The following STPG2 variants were observed in gnomAD, a reference collection of about 807,000 sequenced individuals.
STPG2 encodes the protein sperm-tail PG-rich repeat-containing protein 2.
Under a neutral mutation model 54.2 loss-of-function variants are expected in STPG2, and 56 were observed. The observed-to-expected ratio is 1.03, with a 90% CI of 0.83 to 1.29. STPG2 has a LOEUF of 1.29. Among genes scored for constraint, STPG2 ranks in the 50% most tolerant of loss-of-function variants. The pLI is 0.00. For synonymous variants in STPG2, 200 were observed against 181.8 expected (o/e 1.10, Z -0.81); for missense variants, 596 against 544.9 (o/e 1.09, Z -0.93).
At chr4:97,451,896 G>C (rs1292906763) in intron 4 of STPG2, among the ~76,000 whole-genome samples, 2 of 152,108 alleles carry the variant, frequency 1.3e-5, no homozygotes, top group African/African-American at 4.8e-5. Context: ...AATAGTGATG[G>C]CAGCAGCTGC....
chr4:97,642,717 T>G (rs1721799599), intron 10 of STPG2, among the ~76,000 whole-genome samples: 1 of 151,550 alleles, frequency 6.6e-6, no homozygotes, highest in Non-Finnish European at 1.5e-5. Flanking sequence ...ACGTTAATTC[T>G]CCATTTTTGA....
chr4:97,445,133 G>T (rs1729188853), intron 4 of STPG2, among the ~76,000 whole-genome samples: 4 of 152,008 alleles, frequency 2.6e-5, no homozygotes, highest in Admixed American at 2.6e-4. Context: ...TTGAGGCTGT[G>T]GTTTTAAATT....
intron 4 of STPG2, among the ~76,000 whole-genome samples, chr4:97,523,686 G>C (rs1395214454): frequency 6.6e-6 from 1 of 151,900 alleles, no homozygotes; most frequent in African/African-American, 2.4e-5. Flanking sequence ...ATATTCCTTA[G>C]CATCAGAAGG....
chr4:97,698,541 T>C (rs767356241), intron 10 of STPG2, among the ~76,000 whole-genome samples: 56 of 152,136 alleles, frequency 3.7e-4, no homozygotes, highest in Non-Finnish European at 2.1e-4. Flanking sequence ...CTAAGACCTC[T>C]AGGCTAGCAA....
intron 8 of STPG2, among the ~76,000 whole-genome samples, chr4:97,851,224 C>A (rs966848397): frequency 3.3e-5 from 5 of 152,172 alleles, no homozygotes; most frequent in African/African-American, 1.2e-4. Flanking sequence ...TTCAGAAAGC[C>A]TCTATTTTGC....
chr4:98,032,554 A>G (rs13111199), intron 5 of STPG2, among the ~76,000 whole-genome samples: 59,781 of 151,780 alleles, frequency 0.39, 11,973 homozygotes, highest in Middle Eastern at 0.46. Context: ...AATTAACAAC[A>G]ATATCCAGGA....
chr4:97,898,756 A>G (rs1731054879), intron 8 of STPG2, among the ~76,000 whole-genome samples: 1 of 151,810 alleles, frequency 6.6e-6, no homozygotes, highest in Non-Finnish European at 1.5e-5. Context: ...CAAAATGCTG[A>G]TAAATTAAAA....
At chr4:97,506,048 G>T (rs62315843) in intron 4 of STPG2, among the ~76,000 whole-genome samples, 3 of 126,166 alleles carry the variant, frequency 2.4e-5, no homozygotes, top group African/African-American at 8.9e-5. Flanking sequence ...AAAAAAAAAG[G>T]CTTCAGACAC....
chr4:97,672,410 T>A (rs1237678132), intron 10 of STPG2, among the ~76,000 whole-genome samples: 2 of 151,998 alleles, frequency 1.3e-5, no homozygotes, highest in Non-Finnish European at 2.9e-5. Context: ...ACTCCCAAAC[T>A]CAGGTGATCT....
intron 4 of STPG2, among the ~76,000 whole-genome samples, chr4:97,532,470 C>T (rs1219091390): frequency 2.0e-5 from 3 of 151,918 alleles, no homozygotes; most frequent in South Asian, 2.1e-4. Flanking sequence ...TTCTACTTGA[C>T]GATATAAAGT....
At chr4:97,932,380 G>T (rs1371952612) in intron 8 of STPG2, among the ~76,000 whole-genome samples, 1 of 151,884 alleles carries the variant, frequency 6.6e-6, no homozygotes, top group Non-Finnish European at 1.5e-5. Context: ...TTTATTTTAA[G>T]TTCTGGGACA....
rs916436216 is a variant in STPG2 at position 97,781,387 on chromosome 4, G to A, written c.1204+59386C>T. Among the ~76,000 whole-genome samples, 9 of 152,310 alleles carry A rather than the reference G, an allele frequency of 5.9e-5. No homozygotes were observed. In the East Asian group the frequency reaches 1.2e-3, roughly 20 times the overall value. ...CCTCCCAAGACTAAACCAGGAAGAA[G>A]TTGAATCCCTTAATAGACCAATAAC... On this transcript the variant is annotated intron_variant, in intron 9 of 10. Transcript: ENST00000295268.
chr4:97,579,017 T>C (rs189005717), intron 10 of STPG2, among the ~76,000 whole-genome samples: 1 of 152,110 alleles, frequency 6.6e-6, no homozygotes, highest in Non-Finnish European at 1.5e-5. Flanking sequence ...AAATCACTCA[T>C]CTGTTTTCAG....
intron 4 of STPG2, among the ~76,000 whole-genome samples, chr4:97,462,306 G>A (rs966108288): frequency 2.6e-5 from 4 of 151,486 alleles, no homozygotes; most frequent in Non-Finnish European, 5.9e-5. Context: ...ACTTATATTA[G>A]TTTTATATAA....
At chr4:97,530,292 T>C in intron 4 of STPG2, among the ~76,000 whole-genome samples, 1 of 152,216 alleles carries the variant, frequency 6.6e-6, no homozygotes, top group Admixed American at 6.5e-5. Context: ...GACATTGTTA[T>C]TGTTTGTCAC....
intron 8 of STPG2, among the ~76,000 whole-genome samples, chr4:97,851,792 G>A (rs575633666): frequency 3.0e-4 from 46 of 151,988 alleles, no homozygotes; most frequent in South Asian, 2.1e-4. Flanking sequence ...GACTTTTAAT[G>A]CTTAAGTTTT....
At chr4:97,916,777 C>T in intron 8 of STPG2, 1 of 153,168 alleles carries the variant, frequency 6.5e-6, no homozygotes, top group Non-Finnish European at 1.5e-5. Flanking sequence ...GAACTGTGTG[C>T]CCCTCTGCAT....
chr4:97,715,532 A>G (rs1336553605), intron 9 of STPG2, among the ~76,000 whole-genome samples: 2 of 152,290 alleles, frequency 1.3e-5, no homozygotes, highest in South Asian at 4.1e-4. Context: ...TGTCCCTTCA[A>G]TATGAACATC....
intron 10 of STPG2, among the ~76,000 whole-genome samples, chr4:97,634,683 G>T (rs868501330): frequency 1.3e-5 from 2 of 151,768 alleles, no homozygotes; most frequent in Non-Finnish European, 2.9e-5. Flanking sequence ...TCGAGAACTA[G>T]GTGAAGAATG....
Sources: gnomAD v4.1 joint callset for allele counts (sites outside exome capture counted in the v4.1 genomes callset) on GRCh38, gnomAD v4.1.1 for gene constraint, MANE v1.5 for transcripts, NCBI Gene and HGNC (gene_info 2026-07-23, HGNC 2026-07-21) for gene names.